The following ARHGAP24 variants were observed in gnomAD, a reference collection of about 807,000 sequenced individuals.
ARHGAP24 encodes the protein Rho GTPase activating protein 24.
A neutral mutation model predicts 76.4 loss-of-function variants in ARHGAP24; 50 were observed. That is an observed-to-expected ratio of 0.65 (90% CI 0.52 to 0.83). The LOEUF is 0.83. ARHGAP24 is among the 40% of genes least tolerant of loss of function. The pLI is 0.00. For missense variants in ARHGAP24, 930 were observed against 914.2 expected, an observed-to-expected ratio of 1.02 and a Z score of -0.22; for synonymous variants, 345 against 323.3, an observed-to-expected ratio of 1.07 and a Z score of -0.72.
intron 1 of ARHGAP24, among the ~76,000 whole-genome samples, chr4:85,507,604 G>A (rs1578192144): frequency 6.6e-6 from 1 of 152,294 alleles, no homozygotes; most frequent in East Asian, 1.9e-4. Flanking sequence ...GTTGTGGGTA[G>A]CAAAAGACCC....
chr4:85,605,087 T>C (rs532534590), intron 2 of ARHGAP24, among the ~76,000 whole-genome samples: 23 of 152,206 alleles, frequency 1.5e-4, no homozygotes, highest in Non-Finnish European at 2.1e-4. Flanking sequence ...TTAGAGAGAA[T>C]GTATTCACTC....
chr4:85,687,813 A>G (rs939945266), intron 2 of ARHGAP24, among the ~76,000 whole-genome samples: 1 of 149,280 alleles, frequency 6.7e-6, no homozygotes, highest in South Asian at 2.1e-4. Flanking sequence ...TGGTAGTTCT[A>G]TTTTCTTTTT....
At chr4:85,495,946 C>G (rs1162628200) in intron 1 of ARHGAP24, among the ~76,000 whole-genome samples, 1 of 152,168 alleles carries the variant, frequency 6.6e-6, no homozygotes, top group Non-Finnish European at 1.5e-5. Flanking sequence ...GTTTGTGTCT[C>G]ATTTTGACTT....
intron 3 of ARHGAP24, among the ~76,000 whole-genome samples, chr4:85,864,273 C>T (rs1732066169): frequency 6.6e-6 from 1 of 152,066 alleles, no homozygotes; most frequent in Non-Finnish European, 1.5e-5. Flanking sequence ...CATGGCCTTG[C>T]TGTCTGCCTA....
chr4:85,594,183 T>C (rs1253066680), intron 2 of ARHGAP24, among the ~76,000 whole-genome samples: 2 of 152,068 alleles, frequency 1.3e-5, no homozygotes, highest in Non-Finnish European at 2.9e-5. Context: ...CTTAAGTTAA[T>C]TCATAGGTAT....
At chr4:85,681,113 A>T (rs1723187701) in intron 2 of ARHGAP24, among the ~76,000 whole-genome samples, 1 of 152,198 alleles carries the variant, frequency 6.6e-6, no homozygotes, top group Admixed American at 6.5e-5. Flanking sequence ...TATAATTTTA[A>T]GACTTGAAAC....
chr4:85,900,693 A>G (rs188999428), intron 3 of ARHGAP24, among the ~76,000 whole-genome samples: 86 of 152,206 alleles, frequency 5.7e-4, no homozygotes, highest in African/African-American at 2.0e-3. Context: ...CCCAAAGTAC[A>G]GGGATTACAG....
intron 1 of ARHGAP24, among the ~76,000 whole-genome samples, chr4:85,519,980 T>C (rs765476158): frequency 6.6e-5 from 10 of 152,124 alleles, no homozygotes; most frequent in Non-Finnish European, 1.3e-4. Context: ...TATCCCTTAT[T>C]CCTCTCACCT....
chr4:85,557,374 T>C (rs13115058), intron 1 of ARHGAP24, among the ~76,000 whole-genome samples: 128,733 of 151,886 alleles, frequency 0.85, 56,076 homozygotes, highest in East Asian at 0.98. Flanking sequence ...CCATGTGTGC[T>C]TGAGCAGGGC....
intron 1 of ARHGAP24, among the ~76,000 whole-genome samples, chr4:85,530,018 T>A (rs1404781346): frequency 6.6e-6 from 1 of 152,018 alleles, no homozygotes; most frequent in Non-Finnish European, 1.5e-5. Flanking sequence ...GATTTATGAA[T>A]ATATGGAGAA....
At chr4:85,679,781 T>TA (rs1723132597) in intron 2 of ARHGAP24, among the ~76,000 whole-genome samples, 1 of 152,180 alleles carries the variant, frequency 6.6e-6, no homozygotes, top group African/African-American at 2.4e-5. Context: ...GGTGGTCAGA[T>TA]ACAGACATTT....
intron 3 of ARHGAP24, among the ~76,000 whole-genome samples, chr4:85,853,697 T>C (rs748958771): frequency 5.3e-5 from 8 of 152,010 alleles, no homozygotes; most frequent in Non-Finnish European, 8.8e-5. Flanking sequence ...GAGGCCAAGG[T>C]GGGCGGATCA....
intron 3 of ARHGAP24, among the ~76,000 whole-genome samples, chr4:85,750,692 C>T (rs1433950961): frequency 6.6e-6 from 1 of 151,880 alleles, no homozygotes; most frequent in Non-Finnish European, 1.5e-5. Flanking sequence ...GACGGCATTT[C>T]ACCATGTTGC....
chr4:85,926,733 T>C (rs982118322), intron 4 of ARHGAP24, among the ~76,000 whole-genome samples: 3 of 151,578 alleles, frequency 2.0e-5, no homozygotes, highest in Non-Finnish European at 4.4e-5. Flanking sequence ...CGATTTGCAA[T>C]ATTTTAAAAC....
chr4:85,617,852 T>A (rs1720590613), intron 2 of ARHGAP24, among the ~76,000 whole-genome samples: 1 of 152,212 alleles, frequency 6.6e-6, no homozygotes, highest in African/African-American at 2.4e-5. Flanking sequence ...TTTATTGATG[T>A]ATAGTTGAGA....
At chr4:85,699,626 T>C (rs1187187832) in intron 2 of ARHGAP24, among the ~76,000 whole-genome samples, 1 of 151,496 alleles carries the variant, frequency 6.6e-6, no homozygotes, top group Admixed American at 6.6e-5. Context: ...AATTTACTTT[T>C]CAGAGAGATA....
Position 86,000,471 on chromosome 4 carries a change from C to T in ARHGAP24, c.2004-8C>T, listed in dbSNP as rs1349371923. 5 of 1,140,766 alleles carry T rather than the reference C, an allele frequency of 4.4e-6. No individual in the cohort carries two copies. The African/African-American group carries it at 6.5e-5, about 15-fold the overall frequency. The allele number at this position is 1,140,766 out of a possible 1,614,324, so 70.7% of individuals were successfully genotyped here. A position where few individuals can be genotyped will look rare whatever the true frequency, so the allele number is the denominator to read the frequency against. On this transcript the variant is annotated splice_region_variant and splice_polypyrimidine_tract_variant and intron_variant, in intron 9 of 9. Coordinates refer to ENST00000395184, the MANE Select transcript of ARHGAP24 (RefSeq NM_001025616.3). ...CCCACCCCCCACCCCCCCCAACATCCTTTGTAGCTTAGAACAGCGAAACTT... is the reference window on the plus strand; with the variant it reads ...CCCACCCCCCACCCCCCCCAACATCTTTTGTAGCTTAGAACAGCGAAACTT...
intron 8 of ARHGAP24, among the ~76,000 whole-genome samples, 183 bp from the exon 9 acceptor site, chr4:85,994,400 T>C (rs1401790900): frequency 2.0e-5 from 3 of 152,182 alleles, no homozygotes; most frequent in Non-Finnish European, 4.4e-5. Flanking sequence ...ACACAGTTCA[T>C]GGCACAAAGT....
intron 1 of ARHGAP24, among the ~76,000 whole-genome samples, chr4:85,507,478 G>T (rs111553426): frequency 2.6e-5 from 4 of 152,280 alleles, no homozygotes; most frequent in African/African-American, 9.6e-5. Context: ...CTTATAGTAG[G>T]TATTTAGTGT....
Sources: gnomAD v4.1 joint callset for allele counts (sites outside exome capture counted in the v4.1 genomes callset) on GRCh38, gnomAD v4.1.1 for gene constraint, MANE v1.5 for transcripts, NCBI Gene and HGNC (gene_info 2026-07-23, HGNC 2026-07-21) for gene names.